Variants in MAPK9 observed in about 807,000 individuals in gnomAD.
The protein encoded by MAPK9 is Jun kinase.
MAPK9 carries 30 observed loss-of-function variants against 57.1 expected under a neutral mutation model. The ratio of observed to expected loss-of-function variants is 0.53; its 90% CI spans 0.39 to 0.71. The LOEUF (loss-of-function observed/expected upper bound fraction) is 0.71, where lower values mean the gene tolerates loss of function less well. Ranked by LOEUF, MAPK9 falls within the 30% of genes least tolerant of loss-of-function variation. The pLI, the probability that MAPK9 is intolerant of heterozygous loss-of-function variation, is 0.00. For missense variants in MAPK9, 362 were observed against 521.0 expected (o/e 0.69, Z 2.97); for synonymous variants, 155 against 177.0 (o/e 0.88, Z 0.99).
At chr5:180,273,668 G>A (rs559781271) in intron 2 of MAPK9, among the ~76,000 whole-genome samples, 1 of 152,316 alleles carries the variant, frequency 6.6e-6, no homozygotes, top group Admixed American at 6.5e-5. Context: ...TCACTTTTGT[G>A]TATAATATGA....
At chr5:180,291,524 G>A (rs1482265985) in intron 1 of MAPK9, among the ~76,000 whole-genome samples, 1 of 152,124 alleles carries the variant, frequency 6.6e-6, no homozygotes, top group East Asian at 1.9e-4. Flanking sequence ...CCAAGGTCGC[G>A]GGGACGCGAC....
At chr5:180,261,934 G>T in intron 4 of MAPK9, 112 bp from the exon 5 acceptor site, 1 of 815,464 alleles carries the variant, frequency 1.2e-6, no homozygotes, top group East Asian at 2.9e-5. Context: ...AAAGTAAAAA[G>T]ATAACTTGGT....
intron 2 of MAPK9, among the ~76,000 whole-genome samples, chr5:180,276,680 C>G (rs908021291): frequency 2.0e-5 from 3 of 152,070 alleles, no homozygotes; most frequent in African/African-American, 4.8e-5. Flanking sequence ...ATGGTGAAAC[C>G]CCATCTCTAC....
intron 1 of MAPK9, among the ~76,000 whole-genome samples, chr5:180,282,250 T>C (rs1258657198): frequency 6.6e-6 from 1 of 152,236 alleles, no homozygotes; most frequent in Non-Finnish European, 1.5e-5. Context: ...GATTAGCTTA[T>C]TTACAGTTTG....
intron 2 of MAPK9, among the ~76,000 whole-genome samples, chr5:180,273,110 G>A (rs1761495898): frequency 6.6e-6 from 1 of 152,208 alleles, no homozygotes; most frequent in African/African-American, 2.4e-5. Flanking sequence ...TTTCGTCGCA[G>A]TTTTAAATTG....
At chr5:180,255,142 T>C (rs1007040423) in intron 5 of MAPK9, among the ~76,000 whole-genome samples, 1 of 151,020 alleles carries the variant, frequency 6.6e-6, no homozygotes, top group Admixed American at 6.6e-5. Flanking sequence ...CTAAGAATTC[T>C]ACACACATCT....
intron 1 of MAPK9, among the ~76,000 whole-genome samples, chr5:180,289,606 C>G (rs187979081): frequency 1.3e-5 from 2 of 152,234 alleles, no homozygotes; most frequent in African/African-American, 4.8e-5. Flanking sequence ...TCCTGAGCTT[C>G]CGTTTCCACA....
chr5:180,274,481 G>A (rs1420028554), intron 2 of MAPK9, among the ~76,000 whole-genome samples: 1 of 152,230 alleles, frequency 6.6e-6, no homozygotes, highest in Admixed American at 6.5e-5. Context: ...GAAGATGGAG[G>A]AGGTCACTTG....
Position 180,247,749 on chromosome 5 carries a change from A to C in MAPK9, c.617-239T>G. ...TATAGCTTAAAACAAACAAACAAAC[A>C]AACAAAAAACCAGAAACAAGAAGTG... On this transcript the variant is annotated intron_variant, in intron 6 of 11. Coordinates refer to ENST00000452135, the MANE Select transcript of MAPK9 (RefSeq NM_002752.5). This position sits in a 1 kb window ranked among gnomAD's most constrained non-coding sequence, Gnocchi z 4.5. 1 of 1,259,880 alleles carries C rather than the reference A, an allele frequency of 7.9e-7. No individual in the cohort carries two copies. Among genetic ancestry groups the C allele is most frequent in the Non-Finnish European group, 1.1e-6 (1 of 872,288 alleles). The allele number at this position is 1,259,880 out of a possible 1,614,324, so 78.0% of individuals were successfully genotyped here. A position where few individuals can be genotyped will look rare whatever the true frequency, so the allele number is the denominator to read the frequency against.
chr5:180,276,785 C>T (rs999785730), intron 2 of MAPK9, among the ~76,000 whole-genome samples: 10 of 152,142 alleles, frequency 6.6e-5, no homozygotes, highest in Admixed American at 3.9e-4. Context: ...ACCCGCGAGG[C>T]GGAGGTTGCG....
rs34005606 is a variant in MAPK9 at position 180,271,619 on chromosome 5, T to C, written c.123-2210A>G. ...CATATATTCATAACTAAGTCTTCTG[T>C]ATTTCTTCTTTAGGATGTTTCTAGA... On this transcript the variant is annotated intron_variant, in intron 2 of 11. Transcript: ENST00000452135. 5.6e-4 allele frequency among the ~76,000 whole-genome samples: 85 copies of C among 152,328 alleles called. No individual in the cohort carries two copies. The East Asian group carries it at 0.016, about 29-fold the overall frequency.
chr5:180,287,699 A>G (rs142375585), intron 1 of MAPK9, among the ~76,000 whole-genome samples: 1 of 152,116 alleles, frequency 6.6e-6, no homozygotes, highest in East Asian at 1.9e-4. Flanking sequence ...CCCTCCTTCA[A>G]AAATCTAGTT....
chr5:180,278,232 A>G (rs960795678), intron 2 of MAPK9, among the ~76,000 whole-genome samples: 5 of 152,178 alleles, frequency 3.3e-5, no homozygotes, highest in Non-Finnish European at 5.9e-5. Context: ...GCCTACCACT[A>G]ACACCCCGTG....
At chr5:180,255,081 C>T (rs1759128459) in intron 5 of MAPK9, among the ~76,000 whole-genome samples, 1 of 152,122 alleles carries the variant, frequency 6.6e-6, no homozygotes, top group African/African-American at 2.4e-5. Context: ...TGCTAGATGC[C>T]TTGCTACCAC....
chr5:180,273,381 T>G (rs964590186), intron 2 of MAPK9, among the ~76,000 whole-genome samples: 1 of 152,156 alleles, frequency 6.6e-6, no homozygotes, highest in Non-Finnish European at 1.5e-5. Context: ...CAATCTTCTA[T>G]GATAATTTTT....
At chr5:180,285,109 G>A (rs1317791488) in intron 1 of MAPK9, among the ~76,000 whole-genome samples, 1 of 152,224 alleles carries the variant, frequency 6.6e-6, no homozygotes, top group Non-Finnish European at 1.5e-5. Context: ...GCTTCAGGCA[G>A]ATAAGGCTAG....
chr5:180,254,806 G>A (rs1008162677), intron 5 of MAPK9, among the ~76,000 whole-genome samples: 21 of 152,170 alleles, frequency 1.4e-4, no homozygotes, highest in Non-Finnish European at 1.2e-4. Flanking sequence ...AGGCCGAGGC[G>A]GGCGGATCAC....
intron 1 of MAPK9, among the ~76,000 whole-genome samples, chr5:180,288,856 T>C (rs1762997423): frequency 1.3e-5 from 2 of 152,212 alleles, no homozygotes; most frequent in Non-Finnish European, 2.9e-5. Flanking sequence ...TGAAACAAGA[T>C]TGGTCAGGAG....
intron 10 of MAPK9, 124 bp from the exon 11 acceptor site, chr5:180,238,527 C>G: frequency 1.5e-6 from 1 of 668,420 alleles, no homozygotes; most frequent in Non-Finnish European, 2.6e-6. Context: ...AATTGTAAGA[C>G]AGAGTCAATT....
Sources: allele counts gnomAD v4.1 joint callset (sites outside exome capture counted in the v4.1 genomes callset), GRCh38; gene constraint gnomAD v4.1.1; non-coding constraint Gnocchi (gnomAD v3.1); transcripts MANE v1.5; gene names NCBI Gene and HGNC (gene_info 2026-07-23, HGNC 2026-07-21).